TPM3: variants seen among roughly 807,000 people sequenced by gnomAD.
TPM3 encodes tropomyosin alpha-3 chain.
Under a neutral mutation model 43.1 loss-of-function variants are expected in TPM3, and 16 were observed. The ratio of observed to expected loss-of-function variants is 0.37; its 90% confidence interval spans 0.25 to 0.56. The LOEUF (loss-of-function observed/expected upper bound fraction) is 0.56. Ranked by LOEUF, TPM3 falls within the 20% of genes least tolerant of loss-of-function variation. TPM3 has a pLI of 0.77. For missense variants in TPM3, 176 were observed against 337.2 expected (o/e 0.52, Z 3.74); for synonymous variants, 101 against 116.9 (o/e 0.86, Z 0.88).
chr1:154,171,336 C>A (rs765239049), intron 6 of TPM3, 77 bp downstream of exon 6: 347 of 1,464,916 alleles, frequency 2.4e-4, no homozygotes, highest in Non-Finnish European at 3.3e-4. Context: ...ATATGGAATG[C>A]GTGTCTCCAG....
chr1:154,168,396 A>T (rs1019052997), intron 9 of TPM3, among the ~76,000 whole-genome samples: 7 of 152,206 alleles, frequency 4.6e-5, no homozygotes, highest in African/African-American at 1.7e-4. Context: ...CTCTAGCAGT[A>T]TCCCTTCTGA....
chr1:154,174,143 G>A (rs184935246), intron 3 of TPM3, among the ~76,000 whole-genome samples: 2 of 151,524 alleles, frequency 1.3e-5, no homozygotes, highest in Non-Finnish European at 2.9e-5. Flanking sequence ...GACCAGCCTG[G>A]TCAACATGGC....
Position 154,166,229 on chromosome 1 carries a change from A to C in TPM3, c.*1708T>G. ...CCTGATTATATCTGTTTAAAAGAAGAGCAAAAGTGTTTTTAACAGATGGAA... is the reference window on the plus strand; with the variant it reads ...CCTGATTATATCTGTTTAAAAGAAGCGCAAAAGTGTTTTTAACAGATGGAA... On this transcript the variant is annotated 3_prime_UTR_variant, in exon 10 of 10. Coordinates refer to ENST00000651641, the MANE Select transcript of TPM3 (RefSeq NM_152263.4). The C allele has an allele frequency of 4.4e-6, 1 of 229,272 alleles. No individual in the cohort carries two copies. The highest frequency in any genetic ancestry group is 6.3e-5 in the East Asian group (1 of 15,986). 14.2% of individuals were successfully genotyped at this position (229,272 alleles called of 1,614,324 possible).
chr1:154,187,839 T>A (rs1189740621), intron 2 of TPM3, among the ~76,000 whole-genome samples: 1 of 151,524 alleles, frequency 6.6e-6, no homozygotes, highest in East Asian at 1.9e-4. Context: ...CTCACAAAAC[T>A]GTTATTAACC....
intron 2 of TPM3, among the ~76,000 whole-genome samples, chr1:154,184,823 A>T (rs1309507526): frequency 1.3e-5 from 2 of 152,060 alleles, no homozygotes; most frequent in Non-Finnish European, 2.9e-5. Context: ...CTGAGGTGGG[A>T]AGATTTCTTG....
Position 154,170,714 on chromosome 1 carries a change from GTAAGA to G in TPM3, c.643-8_643-4del, listed in dbSNP as rs1259660072. The G allele has an allele frequency of 3.1e-6, 5 of 1,592,342 alleles. No homozygotes were observed. The highest frequency in any genetic ancestry group is 3.4e-6 in the Non-Finnish European group (4 of 1,162,346). On this transcript the variant is annotated splice_polypyrimidine_tract_variant and splice_region_variant and intron_variant, in intron 6 of 9. Transcript: ENST00000651641. ...TATTTATCTTCTTTTTGAGAGTACT[GTAAGA>G]TAAGTAGATTAAAAATTTCAGAGTA...
chr1:154,182,982 C>T (rs1205186811), intron 2 of TPM3: 2 of 1,611,024 alleles, frequency 1.2e-6, no homozygotes, highest in Non-Finnish European at 1.7e-6. Context: ...CTCACCATCT[C>T]CGTACCTGTT....
At chr1:154,155,320 CCTTTA>C (rs1283673126), downstream of TPM3, 2 of 446,140 alleles carry the variant, frequency 4.5e-6, no homozygotes, top group Non-Finnish European at 8.1e-6. Flanking sequence ...TAAAAAAAAC[CCTTTA>C]ATTTCTTCCA....
At position 154,170,434 on chromosome 1, in the gene TPM3, T is replaced by C. The variant is rs541912790; in HGVS notation, c.741A>G (p.Val247=). The change falls in exon 8 of 10, where the codon GTA becomes GTG. Residue 247 remains valine (V), a synonymous_variant. Transcript: ENST00000651641. ...ETRAEFAERS[V]AKLEKTIDDL... is the part of the protein sequence containing the mutation. ...CATCAATTGTCTTTTCCAGCTTGGCTACCGATCTCTCAGCAAACTCAGCAC... is the reference window on the plus strand; with the variant it reads ...CATCAATTGTCTTTTCCAGCTTGGCCACCGATCTCTCAGCAAACTCAGCAC... 6.2e-7 allele frequency: 1 copy of C among 1,614,214 alleles called. No homozygotes were observed. Among genetic ancestry groups the C allele is most frequent in the Middle Eastern group, 1.6e-4 (1 of 6,062 alleles).
chr1:154,184,246 C>T (rs1022823932), intron 2 of TPM3, among the ~76,000 whole-genome samples: 2 of 151,936 alleles, frequency 1.3e-5, no homozygotes, highest in African/African-American at 2.4e-5. Context: ...ACCGTGTTAG[C>T]CAGGATGGTC....
At chr1:154,156,784 A>C (rs1419587212), downstream of TPM3, 5 of 200,398 alleles carry the variant, frequency 2.5e-5, no homozygotes, top group Non-Finnish European at 4.1e-5. Flanking sequence ...AACCCAGAAA[A>C]GGGTAATGAG....
intron 2 of TPM3, among the ~76,000 whole-genome samples, chr1:154,184,716 C>A (rs1169403823): frequency 6.6e-6 from 1 of 151,888 alleles, no homozygotes; most frequent in Admixed American, 6.6e-5. Context: ...AGTTTGAGAC[C>A]AGCCTGGGCA....
At chr1:154,168,148 C>T (rs1439746828) in intron 9 of TPM3, among the ~76,000 whole-genome samples, 1 of 152,140 alleles carries the variant, frequency 6.6e-6, no homozygotes, top group Admixed American at 6.6e-5. Context: ...ATCAGGGATC[C>T]ACAGCAAACA....
chr1:154,176,904 G>T (rs967864234), intron 2 of TPM3, among the ~76,000 whole-genome samples: 1 of 151,164 alleles, frequency 6.6e-6, no homozygotes, highest in East Asian at 1.9e-4. Context: ...CCTTGAACCC[G>T]GGAGGCAGAG....
downstream of TPM3, chr1:154,159,112 GAA>G: frequency 1.3e-6 from 1 of 768,838 alleles, no homozygotes; most frequent in Non-Finnish European, 2.4e-6. Context: ...AGGAGAAAGA[GAA>G]AAAGGGAAAG....
chr1:154,182,700 G>C (rs1377883061), intron 2 of TPM3, among the ~76,000 whole-genome samples: 2 of 152,088 alleles, frequency 1.3e-5, no homozygotes, highest in Non-Finnish European at 2.9e-5. Context: ...GCCCGGATCG[G>C]AGGCACTGAA....
intron 2 of TPM3, among the ~76,000 whole-genome samples, chr1:154,182,783 C>CA (rs1663108059): frequency 6.6e-6 from 1 of 152,140 alleles, no homozygotes; most frequent in Admixed American, 6.5e-5. Context: ...CTTCAAAGGT[C>CA]AAGCCTGCTC....
chr1:154,186,517 A>G (rs1663415548), intron 2 of TPM3, among the ~76,000 whole-genome samples: 1 of 151,512 alleles, frequency 6.6e-6, no homozygotes, highest in Non-Finnish European at 1.5e-5. Flanking sequence ...CAACAGGTGT[A>G]TATGTCCATC....
chr1:154,183,161 C>T (rs1229654684), intron 2 of TPM3: 1 of 1,597,402 alleles, frequency 6.3e-7, no homozygotes, highest in Admixed American at 1.7e-5. Flanking sequence ...TTCCTGCCTC[C>T]TCCGCTCGGC....
Sources: allele counts gnomAD v4.1 joint callset (sites outside exome capture counted in the v4.1 genomes callset), GRCh38; gene constraint gnomAD v4.1.1; transcripts MANE v1.5; gene names NCBI Gene and HGNC (gene_info 2026-07-23, HGNC 2026-07-21).